Variants in CFAP70 observed in about 807,000 individuals in gnomAD.
The protein encoded by CFAP70 is cilia- and flagella-associated protein 70.
In CFAP70, 81 loss-of-function variants were observed where a neutral mutation model predicts 137.6. The observed-to-expected ratio is 0.59, with a 90% CI of 0.49 to 0.71. The LOEUF is 0.71. Ranked by LOEUF, CFAP70 falls within the 30% of genes least tolerant of loss-of-function variation. The probability of loss-of-function intolerance (pLI) is 0.00; values close to 1 mark genes in which losing one functional copy is unlikely to be tolerated. For synonymous variants in CFAP70, 382 were observed against 423.6 expected (o/e 0.90, Z 1.20); for missense variants, 976 against 1,226.7 (o/e 0.80, Z 3.05).
At chr10:73,349,760 T>C (rs1008376924) in intron 3 of CFAP70, among the ~76,000 whole-genome samples, 22 of 152,230 alleles carry the variant, frequency 1.4e-4, no homozygotes, top group African/African-American at 4.6e-4. Flanking sequence ...CAACTATCCA[T>C]ATAACCATAA....
At chr10:73,358,385 GAGTCC>G (rs1833136953) in intron 1 of CFAP70, among the ~76,000 whole-genome samples, 1 of 152,244 alleles carries the variant, frequency 6.6e-6, no homozygotes, top group South Asian at 2.1e-4. Context: ...TGCAAGGGGA[GAGTCC>G]AGTGAGAAAA....
chr10:73,330,089 T>C (rs1269349049), intron 8 of CFAP70, among the ~76,000 whole-genome samples: 4 of 152,192 alleles, frequency 2.6e-5, no homozygotes, highest in Admixed American at 2.6e-4. Flanking sequence ...AAAATAAATT[T>C]AATTCCAAGC....
At chr10:73,287,865 A>G (rs2047859040) in intron 19 of CFAP70, among the ~76,000 whole-genome samples, 1 of 151,430 alleles carries the variant, frequency 6.6e-6, no homozygotes, top group African/African-American at 2.4e-5. Flanking sequence ...CTATCTATCT[A>G]TCTATCTATC....
exon 19 of CFAP70, chr10:73,291,256 C>T: frequency 1.9e-6 from 3 of 1,614,160 alleles, no homozygotes; most frequent in Non-Finnish European, 2.5e-6. Context: ...ATTGCTGTTG[C>T]AGAACCATTT....
At chr10:73,289,498 A>G (rs1357015714) in intron 19 of CFAP70, among the ~76,000 whole-genome samples, 1 of 151,716 alleles carries the variant, frequency 6.6e-6, no homozygotes, top group Non-Finnish European at 1.5e-5. Flanking sequence ...GTTAGCCAGG[A>G]TGGTCTCGAT....
intron 8 of CFAP70, among the ~76,000 whole-genome samples, chr10:73,326,849 C>T (rs1431904393): frequency 2.6e-5 from 4 of 151,750 alleles, no homozygotes; most frequent in African/African-American, 9.7e-5. Flanking sequence ...TAATCAATAG[C>T]TTACCAACCA....
intron 5 of CFAP70, 128 bp downstream of exon 6, chr10:73,344,937 A>C: frequency 1.1e-5 from 7 of 618,048 alleles, no homozygotes; most frequent in Non-Finnish European, 1.4e-5. Context: ...TGTATTTTTC[A>C]AGCCTAAAAT....
intron 5 of CFAP70, among the ~76,000 whole-genome samples, chr10:73,343,964 A>ATTTTTT (rs200528605): frequency 6.8e-6 from 1 of 146,558 alleles, no homozygotes. Flanking sequence ...CATATGAAGA[A>ATTTTTT]TTTTTTTTTT....
chr10:73,360,540 C>A (rs908862207), upstream of CFAP70, among the ~76,000 whole-genome samples: 1 of 152,168 alleles, frequency 6.6e-6, no homozygotes, highest in Non-Finnish European at 1.5e-5. Context: ...CGCATAACCA[C>A]TCTCCCTGGG....
chr10:73,262,756 C>T (rs1249236426), intron 25 of CFAP70, among the ~76,000 whole-genome samples: 1 of 152,076 alleles, frequency 6.6e-6, no homozygotes, highest in Non-Finnish European at 1.5e-5. Flanking sequence ...GGTCTTGGAA[C>T]ATATCCCTGG....
rs1033458582 is a variant in CFAP70, at chr10:73,292,463, CA to C, written c.1771-450del. The stretch of plus-strand genomic sequence containing the variant: ...AGAAAGACATAAATAAATGGAAAGA[CA>C]TTTCATGTTCATGGATTGGATGACT... On this transcript the variant is annotated intron_variant, in intron 16 of 26. Coordinates refer to ENST00000310715, the Ensembl canonical transcript of CFAP70. Among the ~76,000 whole-genome samples, 92 of 152,174 alleles carry C rather than the reference CA, an allele frequency of 6.0e-4. No homozygotes were observed. The Middle Eastern group carries it at 0.014, about 23-fold the overall frequency.
chr10:73,267,519 A>G (rs1158950319), intron 25 of CFAP70, among the ~76,000 whole-genome samples: 3 of 152,208 alleles, frequency 2.0e-5, no homozygotes, highest in Non-Finnish European at 4.4e-5. Context: ...AGAAATGAGA[A>G]AGAGACTCCG....
At chr10:73,274,594 T>C (rs1373984147) in exon 23 of CFAP70, 1 of 1,611,928 alleles carries the variant, frequency 6.2e-7, no homozygotes, top group East Asian at 2.2e-5. Flanking sequence ...ACATTGGGGT[T>C]CTGGGAAAGT....
chr10:73,351,546 C>T (rs978502934), intron 3 of CFAP70, among the ~76,000 whole-genome samples: 1 of 152,170 alleles, frequency 6.6e-6, no homozygotes, highest in Non-Finnish European at 1.5e-5. Context: ...GATTCTCCTG[C>T]CTCAGTCTCC....
intron 9 of CFAP70, among the ~76,000 whole-genome samples, chr10:73,317,795 C>CA (rs1287139350): frequency 6.6e-6 from 1 of 151,014 alleles, no homozygotes; most frequent in Non-Finnish European, 1.5e-5. Flanking sequence ...GACCACGTCT[C>CA]AAAAAAAAGG....
intron 25 of CFAP70, among the ~76,000 whole-genome samples, chr10:73,266,077 GT>G (rs1333955960): frequency 1.3e-5 from 2 of 152,066 alleles, no homozygotes; most frequent in Non-Finnish European, 2.9e-5. Flanking sequence ...TTACAATAAA[GT>G]TTTATGATTT....
intron 8 of CFAP70, among the ~76,000 whole-genome samples, chr10:73,329,645 T>C (rs1343520435): frequency 1.3e-5 from 2 of 152,164 alleles, no homozygotes; most frequent in African/African-American, 2.4e-5. Context: ...AGTGAAGCTT[T>C]ATAAAAAACA....
chr10:73,354,286 G>A (rs2054503626), intron 2 of CFAP70, among the ~76,000 whole-genome samples: 1 of 152,108 alleles, frequency 6.6e-6, no homozygotes, highest in African/African-American at 2.4e-5. Flanking sequence ...AAACAAAGTG[G>A]AGCTCATTAA....
At chr10:73,328,904 A>C (rs2051762757) in intron 8 of CFAP70, among the ~76,000 whole-genome samples, 1 of 149,948 alleles carries the variant, frequency 6.7e-6, no homozygotes, top group Admixed American at 6.6e-5. Flanking sequence ...ACTGTAAACT[A>C]GTTCAACCAT....
Sources: allele counts gnomAD v4.1 joint callset (sites outside exome capture counted in the v4.1 genomes callset), GRCh38; gene constraint gnomAD v4.1.1; transcripts MANE v1.5; gene names NCBI Gene and HGNC (gene_info 2026-07-23, HGNC 2026-07-21).